The following RTN4RL1 variants were observed in gnomAD, a reference collection of about 807,000 sequenced individuals.
RTN4RL1 encodes reticulon 4 receptor like 1.
A neutral mutation model predicts 25.6 loss-of-function variants in RTN4RL1; 7 were observed. That is an observed-to-expected ratio of 0.27 (90% CI 0.16 to 0.51). The LOEUF (loss-of-function observed/expected upper bound fraction) is 0.51, where lower values mean the gene tolerates loss of function less well. Ranked by LOEUF, RTN4RL1 falls within the 20% of genes least tolerant of loss-of-function variation. RTN4RL1 has a pLI of 0.97. For synonymous variants in RTN4RL1, 297 were observed against 288.2 expected (o/e 1.03, Z -0.31); for missense variants, 500 against 615.6 (o/e 0.81, Z 1.99).
At chr17:1,962,025 T>TA (rs2066766306) in intron 1 of RTN4RL1, among the ~76,000 whole-genome samples, 1 of 151,012 alleles carries the variant, frequency 6.6e-6, no homozygotes, top group Non-Finnish European at 1.5e-5. Context: ...CTCATGCTTA[T>TA]AATCCCAGTG....
intron 1 of RTN4RL1, among the ~76,000 whole-genome samples, chr17:1,976,884 A>T (rs1399140456): frequency 1.3e-5 from 2 of 152,196 alleles, no homozygotes; most frequent in African/African-American, 4.8e-5. Flanking sequence ...TCTGAACCTC[A>T]GCGTCTGTAT....
At chr17:1,999,674 C>CA (rs2066947622) in intron 1 of RTN4RL1, among the ~76,000 whole-genome samples, 1 of 17,586 alleles carries the variant, frequency 5.7e-5, no homozygotes, top group Admixed American at 5.0e-4. Context: ...CCTATACATG[C>CA]CCCCCCCACA....
intron 1 of RTN4RL1, among the ~76,000 whole-genome samples, chr17:1,986,808 C>T (rs1306082359): frequency 6.6e-6 from 1 of 151,990 alleles, no homozygotes; most frequent in Non-Finnish European, 1.5e-5. Flanking sequence ...GGCAGGCTGA[C>T]CCCAGACTCA....
chr17:1,956,856 G>C (rs1052215131), intron 1 of RTN4RL1, among the ~76,000 whole-genome samples: 1 of 150,324 alleles, frequency 6.7e-6, no homozygotes, highest in Non-Finnish European at 1.5e-5. Flanking sequence ...ATTCTCCTTC[G>C]TCAGCACTCC....
At position 2,024,904 on chromosome 17, in the gene RTN4RL1, G is replaced by T. The variant is rs1467782386; in HGVS notation, c.-39C>A. The T allele has an allele frequency of 6.4e-7, 1 of 1,574,256 alleles. No homozygotes were observed. The highest frequency in any genetic ancestry group is 8.6e-7 in the Non-Finnish European group (1 of 1,160,742). On this transcript the variant is annotated 5_prime_UTR_variant, in exon 1 of 2. Coordinates refer to ENST00000331238, the MANE Select transcript of RTN4RL1 (RefSeq NM_178568.4). ...CCGCCGCTCCGAGGTCGGCCTAGGC[G>T]CACTCCCTCCCGGGGTCCAGATTCA... is the stretch of plus-strand genomic sequence containing the variant.
At chr17:1,959,127 T>A (rs1326124940) in intron 1 of RTN4RL1, among the ~76,000 whole-genome samples, 1 of 152,228 alleles carries the variant, frequency 6.6e-6, no homozygotes, top group East Asian at 1.9e-4. Context: ...GGCCCAGGCC[T>A]CTTGGCCACT....
In RTN4RL1 at chr17:1,937,623, C is replaced by T. The variant is rs201050462; in HGVS notation, c.199G>A (p.Gly67Ser). The T allele has an allele frequency of 1.3e-3, 2,128 of 1,613,854 alleles. 3 individuals are homozygous for T. The highest frequency in any genetic ancestry group is 1.6e-3 in the Non-Finnish European group (1,896 of 1,179,828). Residue 67 changes from glycine to serine, a missense_variant, in exon 2 of 2, where the codon GGC (glycine) becomes AGC (serine). Physicochemically the swap from Gly to Ser is moderately conservative, Grantham distance 56 (BLOSUM62 0). Around this residue, in one of 2 missense-constraint regions of RTN4RL1, gnomAD observed 232 missense variants for 341.1 expected, o/e 0.68. Coordinates refer to ENST00000331238, the MANE Select transcript of RTN4RL1 (RefSeq NM_178568.4). Reference protein sequence around the residue: ...ERVFLQNNRIGLLQPGHFSPA... With the variant: ...ERVFLQNNRISLLQPGHFSPA... ...CTGAAGTGGCCGGGCTGGAGGAGGC[C>T]GATGCGGTTGTTCTGCAGGAAGACG...
chr17:1,965,172 C>T (rs935417106), intron 1 of RTN4RL1, among the ~76,000 whole-genome samples: 3 of 149,716 alleles, frequency 2.0e-5, no homozygotes, highest in South Asian at 2.1e-4. Context: ...TGCAATGGCG[C>T]GATCTCACCT....
intron 1 of RTN4RL1, among the ~76,000 whole-genome samples, chr17:2,004,419 C>T: frequency 6.8e-6 from 1 of 147,706 alleles, no homozygotes; most frequent in Non-Finnish European, 1.5e-5. Context: ...GAAGCAGTGT[C>T]TATTTTGCGG....
chr17:2,012,417 T>C (rs1362142564), intron 1 of RTN4RL1, among the ~76,000 whole-genome samples: 1 of 152,190 alleles, frequency 6.6e-6, no homozygotes, highest in African/African-American at 2.4e-5. Context: ...CTCGGTATCC[T>C]CATCTGTAAC....
chr17:1,952,821 A>G (rs1246383384), intron 1 of RTN4RL1, among the ~76,000 whole-genome samples: 4 of 151,734 alleles, frequency 2.6e-5, no homozygotes, highest in Admixed American at 6.6e-5. Context: ...AGGAGCATGT[A>G]ATCCCAGCAC....
chr17:1,936,280 G>T lies in RTN4RL1; in HGVS notation c.*216C>A. On this transcript the variant is annotated 3_prime_UTR_variant, in exon 2 of 2. Transcript: ENST00000331238. ...GTGGGCGCTCTGCGGGGCTGGCTGG[G>T]ACAGCCGGCTGAGAAGCGCCACCCC... 7.3e-7 allele frequency: 1 copy of T among 1,376,206 alleles called. No individual in the cohort carries two copies. Among genetic ancestry groups the T allele is most frequent in the African/African-American group, 1.5e-5 (1 of 66,350 alleles). 85.2% of individuals were successfully genotyped at this position (1,376,206 alleles called of 1,614,324 possible).
chr17:1,984,121 G>T (rs1385198473), intron 1 of RTN4RL1, among the ~76,000 whole-genome samples: 1 of 152,224 alleles, frequency 6.6e-6, no homozygotes, highest in Non-Finnish European at 1.5e-5. Flanking sequence ...AGAGTCCAAA[G>T]AAATTCTTGA....
chr17:2,019,750 A>C (rs1287971527), intron 1 of RTN4RL1: 1 of 152,248 alleles, frequency 6.6e-6, no homozygotes, highest in Non-Finnish European at 1.5e-5. Context: ...GTTCACTCCT[A>C]CTGTGGAGGA....
intron 1 of RTN4RL1, among the ~76,000 whole-genome samples, chr17:1,945,128 G>A (rs919573328): frequency 3.3e-5 from 5 of 152,122 alleles, no homozygotes; most frequent in Non-Finnish European, 7.4e-5. Flanking sequence ...CAGGGTGTCT[G>A]GGGGACTCCT....
At chr17:2,007,393 T>C (rs1046874554) in intron 1 of RTN4RL1, among the ~76,000 whole-genome samples, 1 of 136,646 alleles carries the variant, frequency 7.3e-6, no homozygotes, top group Non-Finnish European at 1.5e-5. Flanking sequence ...CTCCAAATAA[T>C]TGGATGATAG....
chr17:2,024,734 C>G, intron 1 of RTN4RL1, 119 bp downstream of exon 1: 1 of 1,046,758 alleles, frequency 9.6e-7, no homozygotes, highest in East Asian at 2.8e-5. Flanking sequence ...CCGGCAAAAC[C>G]CACCAGCCCG....
At chr17:2,016,167 G>A (rs988452759) in intron 1 of RTN4RL1, among the ~76,000 whole-genome samples, 2 of 152,198 alleles carry the variant, frequency 1.3e-5, no homozygotes. Flanking sequence ...GATCACCTGA[G>A]GTTAGGAGTT....
intron 1 of RTN4RL1, among the ~76,000 whole-genome samples, chr17:2,007,746 C>G (rs1364828725): frequency 6.6e-6 from 1 of 151,582 alleles, no homozygotes; most frequent in Non-Finnish European, 1.5e-5. Context: ...GAGTTCGAAA[C>G]CAGCCTGGCC....
Sources: allele counts gnomAD v4.1 joint callset (sites outside exome capture counted in the v4.1 genomes callset), GRCh38; gene constraint gnomAD v4.1.1; regional missense constraint gnomAD v4.1.1; transcripts MANE v1.5; gene names NCBI Gene and HGNC (gene_info 2026-07-23, HGNC 2026-07-21).